Variants in SLC34A2 observed in about 807,000 individuals in gnomAD.
SLC34A2 encodes the protein solute carrier family 34 member 2.
A neutral mutation model predicts 50.8 loss-of-function variants in SLC34A2; 41 were observed. That is an observed-to-expected ratio of 0.81 (90% confidence interval 0.63 to 1.05). The LOEUF is 1.05. SLC34A2 is among the 50% of genes least tolerant of loss of function. The probability of loss-of-function intolerance (pLI) is 0.00; values close to 1 mark genes in which losing one functional copy is unlikely to be tolerated. For missense variants in SLC34A2, 879 were observed against 876.7 expected (o/e 1.00, Z -0.03); for synonymous variants, 401 against 364.2 (o/e 1.10, Z -1.15).
chr4:25,659,243 T>A (rs1047740920), intron 1 of SLC34A2, among the ~76,000 whole-genome samples: 1 of 152,092 alleles, frequency 6.6e-6, no homozygotes, highest in African/African-American at 2.4e-5. Flanking sequence ...TGTGCCTCAG[T>A]TTCTTTGTCT....
At position 25,674,401 on chromosome 4, in the gene SLC34A2, C is replaced by G; in HGVS notation, c.1322C>G (p.Thr441Ser). 1 of 1,614,098 alleles carries G rather than the reference C, an allele frequency of 6.2e-7. No homozygotes were observed. The highest frequency in any genetic ancestry group is 1.1e-5 in the South Asian group (1 of 91,080). ...AGCTCTGTGTTCACGTCGGCCTTGA[C>G]CCCCCTGATTGGTGAGTTACACCCT... ...QSSSVFTSAL[T>S]PLIGIGVITI... The change falls in exon 11 of 13, where the codon ACC (threonine) becomes AGC (serine). Residue 441 changes from threonine to serine, a missense_variant. Coordinates refer to ENST00000382051, the MANE Select transcript of SLC34A2 (RefSeq NM_006424.3).
chr4:25,661,450 T>C (rs1714178139), intron 1 of SLC34A2, among the ~76,000 whole-genome samples: 1 of 152,172 alleles, frequency 6.6e-6, no homozygotes, highest in African/African-American at 2.4e-5. Context: ...TACAGTGGCA[T>C]GATCTCAGTT....
At position 25,671,530 on chromosome 4, in the gene SLC34A2, C is replaced by T. The variant is rs527772900; in HGVS notation, c.928-71C>T. On this transcript the variant is annotated intron_variant, in intron 8 of 12. Coordinates refer to ENST00000382051, the MANE Select transcript of SLC34A2 (RefSeq NM_006424.3). ...GGTGGTGTCTGCGCCTGTTCATTCC[C>T]ACCCCCGCCATTGCCTCCCATTCCC... The T allele has an allele frequency of 1.9e-5, 31 of 1,607,270 alleles. No homozygotes were observed. The African/African-American group carries it at 3.2e-4, about 17-fold the overall frequency.
Position 25,668,074 on chromosome 4 carries a change from G to T in SLC34A2, c.635+83G>T, listed in dbSNP as rs1386297041. The T allele has an allele frequency of 4.7e-6, 4 of 857,762 alleles. No homozygotes were observed. In the African/African-American group the frequency reaches 5.0e-5, roughly 11 times the overall value. The allele number at this position is 857,762 out of a possible 1,614,324, so 53.1% of individuals were successfully genotyped here. A position where few individuals can be genotyped will look rare whatever the true frequency, so the allele number is the denominator to read the frequency against. On this transcript the variant is annotated intron_variant, in intron 6 of 12. Transcript: ENST00000382051. ...TTGTAACTGCTTTTAACCAGCCAAAGATGACATGCTTATCAGGTTCATTCC... is the reference window on the plus strand; with the variant it reads ...TTGTAACTGCTTTTAACCAGCCAAATATGACATGCTTATCAGGTTCATTCC...
intron 1 of SLC34A2, among the ~76,000 whole-genome samples, chr4:25,661,396 T>C (rs552950620): frequency 1.3e-5 from 2 of 152,282 alleles, no homozygotes; most frequent in East Asian, 1.9e-4. Context: ...CATATACTTA[T>C]ATATTTTGAG....
chr4:25,662,259 C>T (rs1419296576), intron 1 of SLC34A2, among the ~76,000 whole-genome samples: 2 of 152,194 alleles, frequency 1.3e-5, no homozygotes, highest in Non-Finnish European at 2.9e-5. Context: ...CAACACTGTA[C>T]GAGGTAGTTT....
chr4:25,678,292 C>A lies in SLC34A2; in HGVS notation c.*1543C>A, dbSNP rs1416918404. The A allele has an allele frequency of 6.5e-6, 1 of 153,744 alleles. No homozygotes were observed. Among genetic ancestry groups the A allele is most frequent in the African/African-American group, 2.4e-5 (1 of 41,422 alleles). 9.5% of individuals were successfully genotyped at this position (153,744 alleles called of 1,614,324 possible). On this transcript the variant is annotated 3_prime_UTR_variant, in exon 13 of 13. Coordinates refer to ENST00000382051, the MANE Select transcript of SLC34A2 (RefSeq NM_006424.3). Reference sequence around the variant, plus strand: ...AAATACTCTATATCTATAGTCACAGCCCTGTACAGCATTTTTCATAAGTTA... The same window carrying A: ...AAATACTCTATATCTATAGTCACAGACCTGTACAGCATTTTTCATAAGTTA...
At position 25,670,760 on chromosome 4, in the gene SLC34A2, A is replaced by T. The variant is rs1714770381; in HGVS notation, c.854A>T (p.Gln285Leu). The T allele has an allele frequency of 6.2e-7, 1 of 1,613,926 alleles. No individual in the cohort carries two copies. Among genetic ancestry groups the T allele is most frequent in the Admixed American group, 1.7e-5 (1 of 60,018 alleles). The change falls in exon 8 of 13, where the codon CAA becomes CTA. Residue 285 changes from glutamine (Q) to leucine (L), a missense_variant. Coordinates refer to ENST00000382051, the MANE Select transcript of SLC34A2 (RefSeq NM_006424.3). Reference sequence around the variant, plus strand: ...CAGCTGGATAAAAAAGTTATCAGCCAAATTGCAATGAACGATGAAAAAGCG... The same window carrying T: ...CAGCTGGATAAAAAAGTTATCAGCCTAATTGCAATGAACGATGAAAAAGCG... ...IVQLDKKVISQIAMNDEKAKN... is the reference protein window; with the variant it reads ...IVQLDKKVISLIAMNDEKAKN...
At chr4:25,660,140 C>T (rs6826867) in intron 1 of SLC34A2, among the ~76,000 whole-genome samples, 2,541 of 152,288 alleles carry the variant, frequency 0.017, 68 homozygotes, top group African/African-American at 0.058. Context: ...CACATTCATT[C>T]TATCATAAAT....
At chr4:25,667,647 C>G (rs967219638) in intron 5 of SLC34A2, among the ~76,000 whole-genome samples, 9 of 152,238 alleles carry the variant, frequency 5.9e-5, no homozygotes, top group Non-Finnish European at 1.3e-4. Context: ...GTGGGTGCCT[C>G]CTGGTCTCCT....
intron 3 of SLC34A2, 70 bp from the exon 4 acceptor site, chr4:25,664,132 A>G (rs541597734): frequency 1.3e-6 from 2 of 1,554,540 alleles, no homozygotes; most frequent in African/African-American, 2.7e-5. Flanking sequence ...TCATTGCCAA[A>G]CTTCTCAGGG....
chr4:25,662,527 T>A lies in SLC34A2; in HGVS notation c.27T>A (p.Asp9Glu). The A allele has an allele frequency of 1.2e-6, 2 of 1,614,040 alleles. No homozygotes were observed. Among genetic ancestry groups the A allele is most frequent in the Non-Finnish European group, 1.7e-6 (2 of 1,179,998 alleles). The change falls in exon 2 of 13, where the codon GAT (aspartate) becomes GAA (glutamate). Residue 9 changes from aspartate to glutamate, a missense_variant. By Grantham distance (45) the Asp-to-Glu change is conservative. Transcript: ENST00000382051. ...TGGCTCCCTGGCCTGAATTGGGAGA[T>A]GCCCAGCCCAACCCCGATAAGTACC... MAPWPELG[D>E]AQPNPDKYLE...
At chr4:25,672,567 C>G (rs945767639) in intron 9 of SLC34A2, among the ~76,000 whole-genome samples, 1 of 152,130 alleles carries the variant, frequency 6.6e-6, no homozygotes, top group Non-Finnish European at 1.5e-5. Flanking sequence ...ATTCTGAGCA[C>G]TATATCTTAA....
In SLC34A2 at chr4:25,674,624, C is replaced by CTCCA. The variant is rs757787344; in HGVS notation, c.1454_1457dup (p.Gln486HisfsTer150). ...CCCTGGCAATGCATTGAGGAGTTCA[C>CTCCA]TCCAGGTCAGGACTTGGGGCACGGG... On this transcript the variant is annotated frameshift_variant, in exon 12 of 13. Transcript: ENST00000382051. LOFTEE classifies it low-confidence loss of function (END_TRUNC). 1 of 1,614,236 alleles carries CTCCA rather than the reference C, an allele frequency of 6.2e-7. No homozygotes were observed. Among genetic ancestry groups the CTCCA allele is most frequent in the South Asian group, 1.1e-5 (1 of 91,086 alleles).
chr4:25,672,851 T>C (rs1208778434), intron 9 of SLC34A2, among the ~76,000 whole-genome samples: 3 of 152,150 alleles, frequency 2.0e-5, no homozygotes, highest in African/African-American at 7.2e-5. Context: ...GTGTGATTTT[T>C]AAAGCCATCA....
intron 12 of SLC34A2, 34 bp downstream of exon 12, chr4:25,674,663 G>A: frequency 6.2e-7 from 1 of 1,613,448 alleles, no homozygotes; most frequent in Non-Finnish European, 8.5e-7. Flanking sequence ...AGGGGCCCTG[G>A]GAGTGGGACC....
intron 5 of SLC34A2, among the ~76,000 whole-genome samples, chr4:25,667,667 C>A (rs972859860): frequency 6.6e-6 from 1 of 152,156 alleles, no homozygotes; most frequent in Non-Finnish European, 1.5e-5. Flanking sequence ...TTCAGGCTAG[C>A]CTTGGATCTG....
At position 25,678,523 on chromosome 4, in the gene SLC34A2, A is replaced by C. The variant is rs4600903; in HGVS notation, c.*1774A>C. ...CGTCTTTGTACTCTGGTGATTTTTA[A>C]AAATTGAATCTTTGTACTTGCATTG... On this transcript the variant is annotated 3_prime_UTR_variant, in exon 13 of 13. Coordinates refer to ENST00000382051, the MANE Select transcript of SLC34A2 (RefSeq NM_006424.3). 1 of 181,230 alleles carries C rather than the reference A, an allele frequency of 5.5e-6. No homozygotes were observed. Among genetic ancestry groups the C allele is most frequent in the African/African-American group, 2.4e-5 (1 of 42,192 alleles). The allele number at this position is 181,230 out of a possible 1,614,324, so 11.2% of individuals were successfully genotyped here.
intron 8 of SLC34A2, 45 bp from the exon 9 acceptor site, chr4:25,671,556 C>A: frequency 6.2e-7 from 1 of 1,613,952 alleles, no homozygotes. Flanking sequence ...TCCCATTCCC[C>A]ACTAAAAGCC....
Sources: gnomAD v4.1 joint callset for allele counts (sites outside exome capture counted in the v4.1 genomes callset) on GRCh38, gnomAD v4.1.1 for gene constraint, MANE v1.5 for transcripts, NCBI Gene and HGNC (gene_info 2026-07-23, HGNC 2026-07-21) for gene names.